DDX23: variants seen among roughly 807,000 people sequenced by gnomAD.
DDX23 encodes DEAD-box helicase 23.
DDX23 carries 33 observed loss-of-function variants against 102.7 expected under a neutral mutation model. That is an observed-to-expected ratio of 0.32 (90% CI 0.24 to 0.43). The LOEUF (loss-of-function observed/expected upper bound fraction) is 0.43, where lower values mean the gene tolerates loss of function less well. DDX23 is among the 20% of genes least tolerant of loss of function. The pLI is 1.00. For missense variants in DDX23, 549 were observed against 1,086.6 expected, an observed-to-expected ratio of 0.51 and a Z score of 6.96; for synonymous variants, 352 against 376.0, an observed-to-expected ratio of 0.94 and a Z score of 0.74.
At position 48,834,326 on chromosome 12, in the gene DDX23, A is replaced by G. The variant is rs973112339; in HGVS notation, c.1554T>C (p.Gly518=). The G allele has an allele frequency of 1.9e-6, 3 of 1,611,248 alleles. No homozygotes were observed. Among genetic ancestry groups the G allele is most frequent in the South Asian group, 1.1e-5 (1 of 90,634 alleles). Residue 518 remains glycine, a synonymous_variant, in exon 12 of 17, where the codon GGT becomes GGC. Coordinates refer to ENST00000308025, the MANE Select transcript of DDX23 (RefSeq NM_004818.3). ...GCTAGATAGAAAAACAAACCTCACA[A>G]CCCATGCGCAGCCTGAAGCCCTGGT... ...REDQGFRLRM[G]CEIVIATPGR...
chr12:48,840,576 A>G lies in DDX23; in HGVS notation c.321-470T>C, dbSNP rs1938534277. ...TTTTTTTTTTTTTTTTTTTTGAGAC[A>G]CAGTCTCACTCTGTCGCCCAGGCTG... is the stretch of plus-strand genomic sequence containing the variant. On this transcript the variant is annotated intron_variant, in intron 3 of 16. Transcript: ENST00000308025. Among the ~76,000 whole-genome samples, 3 of 145,374 alleles carry G rather than the reference A, an allele frequency of 2.1e-5. No individual in the cohort carries two copies. In the Admixed American group the frequency reaches 2.1e-4, roughly 10 times the overall value.
intron 3 of DDX23, among the ~76,000 whole-genome samples, chr12:48,842,691 G>C (rs1390174781): frequency 7.2e-6 from 1 of 139,240 alleles, no homozygotes; most frequent in Non-Finnish European, 1.6e-5. Flanking sequence ...TCAGCCCCCC[G>C]CCCGGCCAGC....
In DDX23 at chr12:48,838,052, T is replaced by C; in HGVS notation, c.509A>G (p.Glu170Gly). 1 of 1,614,226 alleles carries C rather than the reference T, an allele frequency of 6.2e-7. No homozygotes were observed. The highest frequency in any genetic ancestry group is 8.5e-7 in the Non-Finnish European group (1 of 1,180,054). The change falls in exon 6 of 17, where the codon GAG (glutamate) becomes GGG (glycine). Residue 170 changes from glutamate (E) to glycine (G), a missense_variant. Coordinates refer to ENST00000308025, the MANE Select transcript of DDX23 (RefSeq NM_004818.3). ...KPKFLSKAER[E>G]AEALKRRQQE... ...CTGCCGTCGCTTTAGAGCTTCAGCC[T>C]CTCGTTCTGCTTTAGAGAGGAACTT...
At chr12:48,842,688 C>T (rs1938585918) in intron 3 of DDX23, among the ~76,000 whole-genome samples, 1 of 150,078 alleles carries the variant, frequency 6.7e-6, no homozygotes, top group South Asian at 2.1e-4. Context: ...GGGTCAGCCC[C>T]CCGCCCGGCC....
chr12:48,839,953 T>TGC (rs1279874021), intron 4 of DDX23, 44 bp from the exon 5 acceptor site: 3 of 1,613,540 alleles, frequency 1.9e-6, no homozygotes, highest in Non-Finnish European at 2.5e-6. Flanking sequence ...CTCTCTCCCT[T>TGC]TAAAGATCAA....
Position 48,830,072 on chromosome 12 carries a change from T to C in DDX23, c.*397A>G. 1 of 381,126 alleles carries C rather than the reference T, an allele frequency of 2.6e-6. No homozygotes were observed. The highest frequency in any genetic ancestry group is 5.2e-6 in the Non-Finnish European group (1 of 193,992). The allele number at this position is 381,126 out of a possible 1,614,324, so 23.6% of individuals were successfully genotyped here. ...TCTCCTGGGGCATCTAGGGCAATGA[T>C]GCTACTGCAGTTTATGCAGTTACAC... On this transcript the variant is annotated 3_prime_UTR_variant, in exon 17 of 17. Transcript: ENST00000308025. The surrounding 1 kb of genome is among the most constrained non-coding windows in gnomAD (Gnocchi z 4.9).
At chr12:48,847,008 T>G (rs2446991) in intron 1 of DDX23, among the ~76,000 whole-genome samples, 12,377 of 152,296 alleles carry the variant, frequency 0.081, 682 homozygotes, top group Middle Eastern at 0.13. Flanking sequence ...TATCCCCAAA[T>G]GGTTCAGCTC....
At chr12:48,848,723 T>C (rs1026353423) in intron 1 of DDX23, among the ~76,000 whole-genome samples, 1 of 150,952 alleles carries the variant, frequency 6.6e-6, no homozygotes, top group Non-Finnish European at 1.5e-5. Context: ...TAGCTGGGAC[T>C]ATAGGCGCAT....
intron 2 of DDX23, among the ~76,000 whole-genome samples, chr12:48,844,942 C>G (rs1280495510): frequency 6.7e-6 from 1 of 149,164 alleles, no homozygotes; most frequent in Non-Finnish European, 1.5e-5. Context: ...CACCTGAGGT[C>G]GGAAGATTGA....
rs1280422432 is a variant in DDX23 at position 48,833,499 on chromosome 12, C to T, written c.1581G>A (p.Gly527=). ...MGCEIVIATP[G]RLIDVLENRY... is the part of the protein sequence containing the mutation. The stretch of plus-strand genomic sequence containing the variant: ...GGTTCTCCAGCACATCAATCAAACG[C>T]CCAGGGGTAGCAATCACAATCTGAG... Residue 527 remains glycine (G), a synonymous_variant, in exon 13 of 17, where the codon GGG becomes GGA. Transcript: ENST00000308025. The T allele has an allele frequency of 6.2e-7, 1 of 1,614,110 alleles. No homozygotes were observed. Among genetic ancestry groups the T allele is most frequent in the East Asian group, 2.2e-5 (1 of 44,888 alleles).
At chr12:48,848,952 C>T (rs1938714145) in intron 1 of DDX23, among the ~76,000 whole-genome samples, 1 of 151,938 alleles carries the variant, frequency 6.6e-6, no homozygotes, top group South Asian at 2.1e-4. Flanking sequence ...CGGGGTTTCA[C>T]CATGTTGGCC....
intron 5 of DDX23, among the ~76,000 whole-genome samples, chr12:48,838,907 G>A (rs548880736): frequency 2.0e-5 from 3 of 152,144 alleles, no homozygotes; most frequent in East Asian, 1.9e-4. Context: ...ACAGACTCTC[G>A]CTCTGTTGCC....
chr12:48,838,534 A>G (rs867229753), intron 5 of DDX23, among the ~76,000 whole-genome samples: 78 of 149,242 alleles, frequency 5.2e-4, no homozygotes, highest in African/African-American at 1.7e-3. Flanking sequence ...TGGGCAAACG[A>G]GCAAGACCTT....
intron 1 of DDX23, among the ~76,000 whole-genome samples, chr12:48,850,326 T>C (rs569952050): frequency 6.6e-6 from 1 of 152,210 alleles, no homozygotes; most frequent in African/African-American, 2.4e-5. Context: ...AGCAACCTAA[T>C]AGTTTGTGGT....
Position 48,834,389 on chromosome 12 carries a change from G to A in DDX23, c.1491C>T (p.Ile497=), listed in dbSNP as rs1481770628. 4 of 1,614,012 alleles carry A rather than the reference G, an allele frequency of 2.5e-6. No homozygotes were observed. The East Asian group carries it at 6.7e-5, about 27-fold the overall frequency. The change falls in exon 12 of 17, where the codon ATC becomes ATT. Residue 497 remains isoleucine (I), a synonymous_variant. Transcript: ENST00000308025. ...TGCCACCAATGACAGCCACAGTGCG[G>A]ATACCTAGCGGTTTCCCAAACTTGA... ...ETIKFGKPLG[I]RTVAVIGGIS...
rs746019981 is a variant in DDX23, at chr12:48,852,110, G to T, written c.-27C>A. 4 of 152,382 alleles carry T rather than the reference G, an allele frequency of 2.6e-5. No homozygotes were observed. Among genetic ancestry groups the T allele is most frequent in the Non-Finnish European group, 4.4e-5 (3 of 68,164 alleles). 9.4% of individuals were successfully genotyped at this position (152,382 alleles called of 1,614,324 possible). ...ACCCTGAGTCTGAACCGCCCAACGC[G>T]GCCTCAACGTCGCGGAGCCGTCGCC... On this transcript the variant is annotated 5_prime_UTR_variant, in exon 1 of 17. Coordinates refer to ENST00000308025, the MANE Select transcript of DDX23 (RefSeq NM_004818.3).
chr12:48,837,245 G>T, intron 8 of DDX23, 36 bp downstream of exon 8: 1 of 1,600,488 alleles, frequency 6.2e-7, no homozygotes, highest in South Asian at 1.1e-5. Flanking sequence ...ACTGCCTAGT[G>T]GAAAAGACCT....
chr12:48,837,917 G>A, intron 6 of DDX23, 25 bp downstream of exon 6: 1 of 1,612,026 alleles, frequency 6.2e-7, no homozygotes, highest in Non-Finnish European at 8.5e-7. Flanking sequence ...TCCATCTAGG[G>A]GCTACACAGG....
rs948859227 is a variant in DDX23, at chr12:48,841,443, C to G, written c.321-1337G>C. Among the ~76,000 whole-genome samples the G allele has an allele frequency of 2.0e-5, 3 of 151,998 alleles. No homozygotes were observed. In the East Asian group the frequency reaches 5.8e-4, roughly 30 times the overall value. ...CATAGATAGAAAAGCTTCAGGCTCCCTCTCCCCTCTCCCCTCTCCCCACGG... is the reference window on the plus strand; with the variant it reads ...CATAGATAGAAAAGCTTCAGGCTCCGTCTCCCCTCTCCCCTCTCCCCACGG... On this transcript the variant is annotated intron_variant, in intron 3 of 16. Transcript: ENST00000308025.
Sources: allele counts gnomAD v4.1 joint callset (sites outside exome capture counted in the v4.1 genomes callset), GRCh38; gene constraint gnomAD v4.1.1; non-coding constraint Gnocchi (gnomAD v3.1); transcripts MANE v1.5; gene names NCBI Gene and HGNC (gene_info 2026-07-23, HGNC 2026-07-21).